The following CHIC1 variants were observed in gnomAD, a reference collection of about 807,000 sequenced individuals.
The protein encoded by CHIC1 is cysteine rich hydrophobic domain 1.
Under a neutral mutation model 18.5 loss-of-function variants are expected in CHIC1, and 7 were observed. That is an observed-to-expected ratio of 0.38 (90% CI 0.22 to 0.71). The LOEUF is 0.71. Among genes scored for constraint, CHIC1 ranks in the 30% least tolerant of loss-of-function variants. CHIC1 has a pLI of 0.49. For synonymous variants in CHIC1, 77 were observed against 73.5 expected (o/e 1.05, Z -0.25); for missense variants, 159 against 176.9 (o/e 0.90, Z 0.57).
intron 3 of CHIC1, among the ~76,000 whole-genome samples, chrX:73,589,093 C>CT (rs1056681592): frequency 3.5e-4 from 39 of 110,057 alleles, no homozygotes; most frequent in Non-Finnish European, 7.3e-4. Context: ...TTAGTTTGCT[C>CT]TTTTTAGTTC....
intron 3 of CHIC1, among the ~76,000 whole-genome samples, chrX:73,607,719 A>G (rs1217028647): frequency 9.3e-6 from 1 of 107,946 alleles, no homozygotes; most frequent in East Asian, 2.8e-4. Context: ...ACAGTCCCTC[A>G]TGGCTTTCCT....
chrX:73,669,261 T>C lies in CHIC1; in HGVS notation c.508-10065T>C, dbSNP rs1405790848. On this transcript the variant is annotated intron_variant, in intron 3 of 5. Coordinates refer to ENST00000373502, the MANE Select transcript of CHIC1 (RefSeq NM_001039840.4). ...ATCCCAGGGAGAGATCAGAGCTCTG[T>C]CCCTAATAGGTTCCAGCAGGCATGG... 7.1e-5 allele frequency among the ~76,000 whole-genome samples: 8 copies of C among 111,895 alleles called. No individual in the cohort carries two copies. In the East Asian group the frequency reaches 2.3e-3, roughly 32 times the overall value.
At chrX:73,672,507 C>A (rs1448745156) in intron 3 of CHIC1, among the ~76,000 whole-genome samples, 2 of 112,439 alleles carry the variant, frequency 1.8e-5, no homozygotes, top group East Asian at 5.6e-4. Flanking sequence ...ATTTGCATTT[C>A]TCTGATGGCC....
intron 3 of CHIC1, among the ~76,000 whole-genome samples, chrX:73,647,409 G>A (rs906560706): frequency 1.4e-4 from 16 of 112,108 alleles, no homozygotes; most frequent in African/African-American, 2.3e-4. Flanking sequence ...GAGCTCCCTG[G>A]GGGGAGAGGC....
At chrX:73,601,800 T>C (rs2057652268) in intron 3 of CHIC1, among the ~76,000 whole-genome samples, 1 of 106,076 alleles carries the variant, frequency 9.4e-6, no homozygotes, top group Non-Finnish European at 1.9e-5. Context: ...ATCAACAAAA[T>C]TGATAGACTG....
Position 73,603,128 on chromosome X carries a change from A to C in CHIC1, c.507+18556A>C, listed in dbSNP as rs1004373124. Among the ~76,000 whole-genome samples the C allele has an allele frequency of 2.1e-4, 23 of 108,309 alleles. 2 individuals are homozygous for C. The highest frequency in any genetic ancestry group is 1.6e-3 in the Admixed American group (17 of 10,327). The allele number at this position is 108,309 out of a possible 115,157, so 94.1% of individuals were successfully genotyped here. A position where few individuals can be genotyped will look rare whatever the true frequency, so the allele number is the denominator to read the frequency against. ...CAGTATGGCCATTTTCACGATATTG[A>C]TTCTTCCTATTTATGAGCATGGAAT... On this transcript the variant is annotated intron_variant, in intron 3 of 5. Coordinates refer to ENST00000373502, the MANE Select transcript of CHIC1 (RefSeq NM_001039840.4).
At chrX:73,620,070 G>A (rs187726586) in intron 3 of CHIC1, among the ~76,000 whole-genome samples, 2 of 112,355 alleles carry the variant, frequency 1.8e-5, no homozygotes, top group Admixed American at 9.4e-5. Flanking sequence ...ATTCCATGGT[G>A]TGTATGTGTC....
chrX:73,601,964 G>A, intron 3 of CHIC1, among the ~76,000 whole-genome samples: 1 of 104,634 alleles, frequency 9.6e-6, no homozygotes, highest in East Asian at 2.9e-4. Flanking sequence ...AAATCTCGAA[G>A]AAATGGATAA....
intron 3 of CHIC1, among the ~76,000 whole-genome samples, chrX:73,611,697 T>G (rs1391515585): frequency 2.8e-5 from 3 of 108,351 alleles, no homozygotes; most frequent in Non-Finnish European, 5.7e-5. Context: ...TCCTGACTTT[T>G]TAATGATTGC....
chrX:73,604,785 G>A (rs1053216160), intron 3 of CHIC1, among the ~76,000 whole-genome samples: 4 of 109,013 alleles, frequency 3.7e-5, no homozygotes, highest in Non-Finnish European at 5.6e-5. Flanking sequence ...TCGGGAGCTG[G>A]TTGTTCAGTT....
intron 3 of CHIC1, among the ~76,000 whole-genome samples, chrX:73,607,360 T>A (rs757407261): frequency 9.2e-6 from 1 of 108,209 alleles, no homozygotes; most frequent in Admixed American, 9.7e-5. Flanking sequence ...CCAGGTTGAC[T>A]TCAGACTGCT....
intron 1 of CHIC1, among the ~76,000 whole-genome samples, chrX:73,568,607 A>T: frequency 9.0e-6 from 1 of 111,335 alleles, no homozygotes; most frequent in African/African-American, 3.2e-5. Flanking sequence ...ACAGAAAAAA[A>T]TATTACATCA....
chrX:73,674,387 A>G (rs1213510391), intron 3 of CHIC1, among the ~76,000 whole-genome samples: 1 of 111,785 alleles, frequency 8.9e-6, no homozygotes, highest in African/African-American at 3.3e-5. Context: ...TTGGTAAGCT[A>G]TTGATTATTG....
intron 3 of CHIC1, among the ~76,000 whole-genome samples, chrX:73,615,270 A>G (rs1460605531): frequency 9.0e-6 from 1 of 111,425 alleles, no homozygotes; most frequent in African/African-American, 3.3e-5. Context: ...GCGGGTCCCC[A>G]GACAGCATAT....
In CHIC1 at chrX:73,604,525, A is replaced by G. The variant is rs755818519; in HGVS notation, c.507+19953A>G. ...ATCTCCCAGTTCTGCTCTGATCTTA[A>G]TTATTTCTTGCCTTCTGCTAGCTTT... On this transcript the variant is annotated intron_variant, in intron 3 of 5. Coordinates refer to ENST00000373502, the MANE Select transcript of CHIC1 (RefSeq NM_001039840.4). Among the ~76,000 whole-genome samples, 796 of 107,264 alleles carry G rather than the reference A, an allele frequency of 7.4e-3. 7 individuals carry two copies. Among genetic ancestry groups the G allele is most frequent in the Non-Finnish European group, 0.013 (674 of 52,648 alleles). The allele number at this position is 107,264 out of a possible 115,157, so 93.1% of individuals were successfully genotyped here.
At chrX:73,671,362 T>C (rs1317623501) in intron 3 of CHIC1, among the ~76,000 whole-genome samples, 2 of 112,343 alleles carry the variant, frequency 1.8e-5, no homozygotes, top group Non-Finnish European at 3.8e-5. Flanking sequence ...TTTTCAGTTA[T>C]TATTTCATTG....
At chrX:73,625,832 A>G (rs964728997) in intron 3 of CHIC1, among the ~76,000 whole-genome samples, 5 of 110,710 alleles carry the variant, frequency 4.5e-5, no homozygotes, top group South Asian at 3.9e-4. Context: ...AACCCTGTCT[A>G]TCTCTAGAGA....
chrX:73,641,734 G>A (rs1212496169), intron 3 of CHIC1, among the ~76,000 whole-genome samples: 1 of 106,587 alleles, frequency 9.4e-6, no homozygotes, highest in Non-Finnish European at 1.9e-5. Flanking sequence ...TGTTCTCATT[G>A]TTCAGTTCCC....
intron 3 of CHIC1, among the ~76,000 whole-genome samples, chrX:73,659,645 A>T (rs2057970107): frequency 8.9e-6 from 1 of 111,810 alleles, no homozygotes; most frequent in Non-Finnish European, 1.9e-5. Flanking sequence ...CACTCAGGTC[A>T]CAAACGTGGA....
Sources: gnomAD v4.1 joint callset for allele counts (sites outside exome capture counted in the v4.1 genomes callset) on GRCh38, gnomAD v4.1.1 for gene constraint, MANE v1.5 for transcripts, NCBI Gene and HGNC (gene_info 2026-07-23, HGNC 2026-07-21) for gene names.